Variants in APBA2 observed in about 807,000 individuals in gnomAD.
APBA2 encodes the protein amyloid beta precursor protein binding family A member 2, also known as amyloid-beta A4 precursor protein-binding family A member 2.
In APBA2, 30 loss-of-function variants were observed where a neutral mutation model predicts 75.0. That is an observed-to-expected ratio of 0.40 (90% CI 0.30 to 0.54). The LOEUF is 0.54. APBA2 is among the 20% of genes least tolerant of loss of function. The pLI, the probability that APBA2 is intolerant of heterozygous loss-of-function variation, is 0.49. For missense variants in APBA2, 801 were observed against 1,016.1 expected (o/e 0.79, Z 2.88); for synonymous variants, 444 against 409.6 (o/e 1.08, Z -1.01).
chr15:29,063,212 T>C (rs1185613084), intron 4 of APBA2, among the ~76,000 whole-genome samples: 16 of 95,630 alleles, frequency 1.7e-4, no homozygotes, highest in African/African-American at 6.2e-4. Context: ...GGGAGGGGAG[T>C]TGATCTGGGT....
chr15:28,907,796 G>T (rs781290690), intron 1 of APBA2, among the ~76,000 whole-genome samples: 1 of 152,180 alleles, frequency 6.6e-6, no homozygotes, highest in Non-Finnish European at 1.5e-5. Context: ...AACCAGGAGC[G>T]CTTGGGCGAC....
intron 1 of APBA2, among the ~76,000 whole-genome samples, chr15:28,915,154 T>TATATACC (rs2033621445): frequency 3.1e-3 from 2 of 650 alleles, no homozygotes; most frequent in African/African-American, 5.9e-3. Context: ...CACATACCCA[T>TATATACC]ACACACCACA....
chr15:29,117,121 G>C lies in APBA2; in HGVS notation c.2238G>C (p.Pro746=). The C allele has an allele frequency of 6.2e-7, 1 of 1,613,156 alleles. No individual in the cohort carries two copies. The part of the protein sequence containing the change: ...MFRLLTGQET[P]LYI ...GGCTCCTCACGGGTCAGGAGACCCC[G>C]CTGTACATCTAGGCCACCCCAGCCT... The change falls in exon 15 of 15, where the codon CCG becomes CCC. Residue 746 remains proline (P), a synonymous_variant. Transcript: ENST00000683413.
chr15:29,006,736 C>T (rs1181181890), intron 3 of APBA2, among the ~76,000 whole-genome samples: 1 of 152,138 alleles, frequency 6.6e-6, no homozygotes, highest in Admixed American at 6.5e-5. Flanking sequence ...GGAACCACCC[C>T]CATGATACAG....
At chr15:29,007,478 A>T (rs1398496259) in intron 3 of APBA2, among the ~76,000 whole-genome samples, 1 of 152,224 alleles carries the variant, frequency 6.6e-6, no homozygotes, top group Non-Finnish European at 1.5e-5. Flanking sequence ...TAATTCATAC[A>T]TCTGATAAAG....
Position 28,991,590 on chromosome 15 carries a change from C to T in APBA2, c.-94-4163C>T, listed in dbSNP as rs576624621. Among the ~76,000 whole-genome samples, 8 of 152,266 alleles carry T rather than the reference C, an allele frequency of 5.3e-5. No individual in the cohort carries two copies. The highest frequency in any genetic ancestry group is 1.9e-4 in the East Asian group (1 of 5,168). On this transcript the variant is annotated intron_variant, in intron 2 of 14. Transcript: ENST00000683413. The surrounding 1 kb of genome is among the most constrained non-coding windows in gnomAD (Gnocchi z 4.7). ...TTACAAGCTTTCCCTCATGAGATGG[C>T]GCTGATCAGTCTGGGGGATACCTGC...
At chr15:28,908,412 G>A (rs1595434124) in intron 1 of APBA2, among the ~76,000 whole-genome samples, 2 of 151,162 alleles carry the variant, frequency 1.3e-5, no homozygotes, top group African/African-American at 2.5e-5. Flanking sequence ...CCAGGTTCAC[G>A]CCATTCTCCT....
chr15:28,891,246 A>G (rs180904398), intron 1 of APBA2, among the ~76,000 whole-genome samples: 8 of 152,312 alleles, frequency 5.3e-5, no homozygotes, highest in Admixed American at 1.3e-4. Context: ...TAACTTTGCA[A>G]CAAGGAGGCT....
chr15:29,098,420 T>C (rs2043954525), intron 8 of APBA2, 70 bp from the exon 9 acceptor site: 6 of 1,038,898 alleles, frequency 5.8e-6, no homozygotes, highest in African/African-American at 4.7e-5. Flanking sequence ...CATTTTGTCA[T>C]AATGCTATTT....
At chr15:28,954,754 T>G (rs1452791826) in intron 2 of APBA2, among the ~76,000 whole-genome samples, 1 of 152,206 alleles carries the variant, frequency 6.6e-6, no homozygotes, top group Non-Finnish European at 1.5e-5. Flanking sequence ...TGCTGCACTC[T>G]GGCCTCTCAC....
chr15:28,978,219 G>A (rs1285266081), intron 2 of APBA2, among the ~76,000 whole-genome samples: 1 of 152,200 alleles, frequency 6.6e-6, no homozygotes, highest in Non-Finnish European at 1.5e-5. Context: ...GCTCATTCAT[G>A]TCGCTTCCCA....
chr15:28,962,618 G>T (rs945720831), intron 2 of APBA2, among the ~76,000 whole-genome samples: 2 of 151,564 alleles, frequency 1.3e-5, no homozygotes, highest in Non-Finnish European at 2.9e-5. Context: ...TTGCCATGTT[G>T]CCCAGGCTTG....
In APBA2 at chr15:28,918,771, T is replaced by G. The variant is rs2033812531; in HGVS notation, c.-204-2869T>G. On this transcript the variant is annotated intron_variant, in intron 1 of 14. Coordinates refer to ENST00000683413, the MANE Select transcript of APBA2 (RefSeq NM_001353788.2). This position sits in a 1 kb window ranked among gnomAD's most constrained non-coding sequence, Gnocchi z 4.2. ...CGGTCGCTTGGCGTCCTGCTTGGGG[T>G]TGTTGCCCACATCACCGAGCGAACG... is the stretch of plus-strand genomic sequence containing the variant. Among the ~76,000 whole-genome samples the G allele has an allele frequency of 6.6e-6, 1 of 151,606 alleles. No homozygotes were observed. Among genetic ancestry groups the G allele is most frequent in the African/African-American group, 2.4e-5 (1 of 41,264 alleles).
intron 4 of APBA2, among the ~76,000 whole-genome samples, chr15:29,070,338 G>C (rs1398808103): frequency 6.6e-6 from 1 of 152,212 alleles, no homozygotes; most frequent in African/African-American, 2.4e-5. Context: ...GAGATGTCTG[G>C]ATACCGGGAT....
intron 2 of APBA2, among the ~76,000 whole-genome samples, chr15:28,986,439 C>T (rs568576656): frequency 1.3e-5 from 2 of 152,200 alleles, no homozygotes; most frequent in Admixed American, 6.5e-5. Context: ...AGCGCCACTT[C>T]TCAGCCTGTA....
intron 1 of APBA2, among the ~76,000 whole-genome samples, chr15:28,912,069 TC>T (rs1347728426): frequency 6.6e-6 from 1 of 152,260 alleles, no homozygotes; most frequent in Non-Finnish European, 1.5e-5. Flanking sequence ...ATTTTTAGTT[TC>T]ATATCAGTTC....
intron 3 of APBA2, among the ~76,000 whole-genome samples, chr15:29,018,809 C>G (rs1369647335): frequency 6.6e-6 from 1 of 152,162 alleles, no homozygotes; most frequent in Non-Finnish European, 1.5e-5. Flanking sequence ...GGCCAGTGAG[C>G]GATACTCTGT....
chr15:29,100,883 C>T (rs1266407456), intron 9 of APBA2, among the ~76,000 whole-genome samples: 2 of 152,232 alleles, frequency 1.3e-5, no homozygotes, highest in Non-Finnish European at 2.9e-5. Context: ...GACATCACGC[C>T]TCCCTGGGTT....
chr15:28,896,206 A>G (rs2032476359), intron 1 of APBA2, among the ~76,000 whole-genome samples: 1 of 152,172 alleles, frequency 6.6e-6, no homozygotes, highest in Admixed American at 6.5e-5. Context: ...TGTCATCTTG[A>G]TGGTTTTAAT....
Sources: allele counts gnomAD v4.1 joint callset (sites outside exome capture counted in the v4.1 genomes callset), GRCh38; gene constraint gnomAD v4.1.1; non-coding constraint Gnocchi (gnomAD v3.1); transcripts MANE v1.5; gene names NCBI Gene and HGNC (gene_info 2026-07-23, HGNC 2026-07-21).